COBL: variants seen among roughly 807,000 people sequenced by gnomAD.
The protein encoded by COBL is cordon-bleu WH2 repeat protein, also known as protein cordon-bleu.
In COBL, 51 loss-of-function variants were observed where a neutral mutation model predicts 98.8. The ratio of observed to expected loss-of-function variants is 0.52; its 90% CI spans 0.41 to 0.65. The LOEUF (loss-of-function observed/expected upper bound fraction) is 0.65, where lower values mean the gene tolerates loss of function less well. Ranked by LOEUF, COBL falls within the 30% of genes least tolerant of loss-of-function variation. The pLI is 0.00. For missense variants in COBL, 1,617 were observed against 1,617.5 expected (o/e 1.00, Z 0.01); for synonymous variants, 634 against 651.7 (o/e 0.97, Z 0.41).
chr7:51,311,498 C>T (rs1422662411), intron 1 of COBL, among the ~76,000 whole-genome samples: 1 of 152,190 alleles, frequency 6.6e-6, no homozygotes, highest in Non-Finnish European at 1.5e-5. Flanking sequence ...CCATCCTTAG[C>T]TTTGCAAGAA....
intron 8 of COBL, among the ~76,000 whole-genome samples, chr7:51,036,548 G>A (rs1788660583): frequency 6.6e-6 from 1 of 152,002 alleles, no homozygotes. Flanking sequence ...GGGTCCCTCT[G>A]CACCTCTCAC....
intron 1 of COBL, among the ~76,000 whole-genome samples, chr7:51,294,336 A>G (rs867646555): frequency 1.0e-4 from 15 of 149,400 alleles, no homozygotes; most frequent in South Asian, 4.4e-4. Context: ...AAATAAAAAT[A>G]AATAAATAAA....
intron 6 of COBL, among the ~76,000 whole-genome samples, chr7:51,114,899 C>T (rs1419236112): frequency 6.6e-6 from 1 of 152,210 alleles, no homozygotes; most frequent in East Asian, 1.9e-4. Flanking sequence ...TCTCCTGTAG[C>T]ACAAAGCAGG....
At chr7:51,200,310 G>A (rs980635242) in intron 2 of COBL, among the ~76,000 whole-genome samples, 1 of 152,182 alleles carries the variant, frequency 6.6e-6, no homozygotes. Context: ...ATGAAAATAT[G>A]AATCTCACTG....
chr7:51,307,682 C>G (rs1802618123), intron 1 of COBL, among the ~76,000 whole-genome samples: 1 of 152,208 alleles, frequency 6.6e-6, no homozygotes, highest in South Asian at 2.1e-4. Context: ...AGCTTCCAAA[C>G]TAGTTTTCCT....
At chr7:51,245,082 T>C (rs11238436) in intron 1 of COBL, among the ~76,000 whole-genome samples, 34,167 of 152,008 alleles carry the variant, frequency 0.22, 4,532 homozygotes, top group East Asian at 0.6. Flanking sequence ...AATTTCCTCA[T>C]AGCTTCCGAA....
chr7:51,265,450 G>A (rs1054658503), intron 1 of COBL, among the ~76,000 whole-genome samples: 1 of 152,232 alleles, frequency 6.6e-6, no homozygotes, highest in African/African-American at 2.4e-5. Context: ...ATGGGGACAG[G>A]CTGCACCTCT....
chr7:51,026,840 G>A (rs533740918), intron 10 of COBL, among the ~76,000 whole-genome samples, 175 bp from the exon 11 acceptor site: 117 of 152,304 alleles, frequency 7.7e-4, no homozygotes, highest in Non-Finnish European at 1.2e-3. Context: ...AGAGGTTGCA[G>A]TGAGCCAAGA....
intron 8 of COBL, among the ~76,000 whole-genome samples, chr7:51,041,730 C>T (rs1789220687): frequency 6.6e-6 from 1 of 152,028 alleles, no homozygotes; most frequent in Non-Finnish European, 1.5e-5. Flanking sequence ...GTGATCCGCC[C>T]ACCTGAGCCT....
intron 2 of COBL, among the ~76,000 whole-genome samples, chr7:51,219,015 A>C (rs1417436161): frequency 6.6e-6 from 1 of 152,242 alleles, no homozygotes; most frequent in African/African-American, 2.4e-5. Flanking sequence ...CTATTTAAAC[A>C]ATAAAATCAT....
chr7:51,165,483 C>G (rs568637504), intron 5 of COBL, among the ~76,000 whole-genome samples: 1 of 152,030 alleles, frequency 6.6e-6, no homozygotes, highest in East Asian at 1.9e-4. Context: ...ATTATTAGAG[C>G]TAAAGAGAGA....
At chr7:51,023,726 G>A (rs1787171432) in intron 12 of COBL, among the ~76,000 whole-genome samples, 1 of 148,064 alleles carries the variant, frequency 6.8e-6, no homozygotes, top group African/African-American at 2.4e-5. Flanking sequence ...TGGGAGATCT[G>A]GAGAGCTGTC....
chr7:51,302,581 CAAAAAAA>C (rs397888990), intron 1 of COBL, among the ~76,000 whole-genome samples: 1 of 66,560 alleles, frequency 1.5e-5, no homozygotes, highest in African/African-American at 5.2e-5. Context: ...AACTCCGTCT[CAAAAAAA>C]AAAAAAAAAA....
chr7:51,106,200 C>CAAAA (rs61220710), intron 6 of COBL, among the ~76,000 whole-genome samples: 52 of 102,728 alleles, frequency 5.1e-4, no homozygotes, highest in East Asian at 2.2e-3. Context: ...CGAGATGTCT[C>CAAAA]AAAAAAAAAA....
intron 1 of COBL, among the ~76,000 whole-genome samples, chr7:51,232,274 AAAC>A (rs1279980015): frequency 2.0e-5 from 3 of 152,118 alleles, no homozygotes; most frequent in Non-Finnish European, 4.4e-5. Flanking sequence ...AGGAAGAAGA[AAAC>A]AATAAAAAAG....
intron 1 of COBL, among the ~76,000 whole-genome samples, chr7:51,264,780 G>A (rs1334684772): frequency 1.3e-5 from 2 of 151,914 alleles, no homozygotes; most frequent in Non-Finnish European, 2.9e-5. Context: ...TGAGGTAGAG[G>A]GCAAGTGGGG....
intron 1 of COBL, among the ~76,000 whole-genome samples, chr7:51,237,509 CTG>C (rs1795368135): frequency 7.0e-6 from 1 of 141,980 alleles, no homozygotes; most frequent in Admixed American, 7.3e-5. Flanking sequence ...TATACATAAA[CTG>C]TGAGTCCCTT....
chr7:51,302,542 T>C (rs1000098855), intron 1 of COBL, among the ~76,000 whole-genome samples: 12 of 149,652 alleles, frequency 8.0e-5, no homozygotes, highest in African/African-American at 2.2e-4. Context: ...TATTGCGCCA[T>C]TGCACTCCAG....
intron 1 of COBL, among the ~76,000 whole-genome samples, chr7:51,279,527 T>C (rs1799617419): frequency 1.3e-5 from 2 of 152,150 alleles, no homozygotes; most frequent in African/African-American, 2.4e-5. Context: ...GGTGCAGAGA[T>C]TGCCCGTATT....
Sources: allele counts gnomAD v4.1 joint callset (sites outside exome capture counted in the v4.1 genomes callset), GRCh38; gene constraint gnomAD v4.1.1; transcripts MANE v1.5; gene names NCBI Gene and HGNC (gene_info 2026-07-23, HGNC 2026-07-21).